IRF8: variants seen among roughly 807,000 people sequenced by gnomAD.
IRF8 encodes the protein interferon regulatory factor 8.
IRF8 carries 14 observed loss-of-function variants against 48.7 expected under a neutral mutation model. That is an observed-to-expected ratio of 0.29 (90% CI 0.19 to 0.45). The LOEUF is 0.45. IRF8 is among the 20% of genes least tolerant of loss of function. IRF8 has a pLI of 1.00. For missense variants in IRF8, 493 were observed against 580.7 expected, an observed-to-expected ratio of 0.85 and a Z score of 1.55; for synonymous variants, 278 against 227.3, an observed-to-expected ratio of 1.22 and a Z score of -2.01.
chr16:85,917,667 A>C (rs1905360554), intron 6 of IRF8, among the ~76,000 whole-genome samples: 1 of 152,226 alleles, frequency 6.6e-6, no homozygotes, highest in African/African-American at 2.4e-5. Flanking sequence ...CATTATTCAA[A>C]AGGGAGGTTG....
intron 6 of IRF8, among the ~76,000 whole-genome samples, chr16:85,915,201 G>T (rs1196423389): frequency 1.3e-5 from 2 of 152,152 alleles, no homozygotes; most frequent in East Asian, 3.9e-4. Flanking sequence ...TAAGGACCCT[G>T]GCTGCACTTC....
At position 85,921,296 on chromosome 16, in the gene IRF8, GC is replaced by G. The variant is rs745940025; in HGVS notation, c.*15del. The G allele has an allele frequency of 1.2e-6, 2 of 1,612,624 alleles. No individual in the cohort carries two copies. Among genetic ancestry groups the G allele is most frequent in the South Asian group, 2.2e-5 (2 of 91,070 alleles). On this transcript the variant is annotated 3_prime_UTR_variant, in exon 9 of 9. Coordinates refer to ENST00000268638, the MANE Select transcript of IRF8 (RefSeq NM_002163.4). ...ATCACCGTCTAAGTGCGTCGCTTGGGCGCCCCACCCCGTCTGCGTCCTGCAT... is the reference window on the plus strand; with the variant it reads ...ATCACCGTCTAAGTGCGTCGCTTGGGGCCCCACCCCGTCTGCGTCCTGCAT...
intron 2 of IRF8, among the ~76,000 whole-genome samples, chr16:85,904,309 G>T (rs1904921678): frequency 6.6e-6 from 1 of 152,092 alleles, no homozygotes; most frequent in Non-Finnish European, 1.5e-5. Flanking sequence ...GTTGTTGGGG[G>T]CCAGAATCAG....
At chr16:85,901,327 C>G (rs1904820085) in intron 1 of IRF8, 1 of 152,196 alleles carries the variant, frequency 6.6e-6, no homozygotes, top group South Asian at 2.1e-4. Context: ...TCAGAGTTTT[C>G]AAACCAAGGT....
intron 6 of IRF8, among the ~76,000 whole-genome samples, chr16:85,917,464 C>A (rs115011874): frequency 1.9e-3 from 289 of 152,276 alleles, no homozygotes; most frequent in African/African-American, 6.5e-3. Flanking sequence ...TTCCTCAAAT[C>A]TTAATCTTAA....
chr16:85,913,339 C>T (rs1905203293), intron 5 of IRF8, 103 bp downstream of exon 5: 1 of 834,786 alleles, frequency 1.2e-6, no homozygotes, highest in Non-Finnish European at 2.0e-6. Flanking sequence ...TATCATGATC[C>T]ATGTCTCATT....
intron 7 of IRF8, 135 bp downstream of exon 7, chr16:85,918,938 A>G: frequency 8.6e-7 from 1 of 1,169,020 alleles, no homozygotes; most frequent in Non-Finnish European, 1.2e-6. Context: ...TGGTGTGGCA[A>G]GGAGGTGCTC....
intron 1 of IRF8, among the ~76,000 whole-genome samples, chr16:85,900,541 A>C (rs908784990): frequency 6.6e-6 from 1 of 152,254 alleles, no homozygotes; most frequent in African/African-American, 2.4e-5. Context: ...ACGTGGCTGC[A>C]CATGTGCAGA....
Position 85,921,212 on chromosome 16 carries a change from G to A in IRF8, c.1211G>A (p.Arg404Gln), listed in dbSNP as rs772557507. The A allele has an allele frequency of 5.6e-6, 9 of 1,614,198 alleles. No homozygotes were observed. Among genetic ancestry groups the A allele is most frequent in the South Asian group, 2.2e-5 (2 of 91,086 alleles). ...PEEPPPDQVF[R>Q]MFPDICASHQ... is the part of the protein sequence containing the mutation. Reference sequence around the variant, plus strand: ...GAGCCGCCGCCAGACCAGGTCTTCCGGATGTTTCCAGATATTTGTGCCTCA... The same window carrying A: ...GAGCCGCCGCCAGACCAGGTCTTCCAGATGTTTCCAGATATTTGTGCCTCA... The change falls in exon 9 of 9, where the codon CGG becomes CAG. Residue 404 changes from arginine to glutamine, a missense_variant. Transcript: ENST00000268638.
At chr16:85,903,346 C>T (rs1904889366) in intron 2 of IRF8, 157 bp downstream of exon 2, 1 of 697,434 alleles carries the variant, frequency 1.4e-6, no homozygotes, top group Admixed American at 2.3e-5. Flanking sequence ...GTGTCTCAGA[C>T]ATGTACATGA....
intron 1 of IRF8, among the ~76,000 whole-genome samples, chr16:85,902,283 A>T (rs907086118): frequency 3.9e-5 from 6 of 152,204 alleles, no homozygotes; most frequent in Non-Finnish European, 7.3e-5. Context: ...TGTAAGGTCC[A>T]GGCCCTGTCT....
At chr16:85,903,219 G>A (rs1904884272) in intron 2 of IRF8, 30 bp downstream of exon 2, 2 of 1,590,974 alleles carry the variant, frequency 1.3e-6, no homozygotes, top group African/African-American at 1.3e-5. Context: ...TCCCCACTGT[G>A]GGCACAGTGT....
chr16:85,920,968 T>G (rs1597258176), intron 8 of IRF8, 138 bp from the exon 9 acceptor site: 2 of 872,766 alleles, frequency 2.3e-6, no homozygotes, highest in Non-Finnish European at 3.7e-6. Flanking sequence ...CTGCTTGCCC[T>G]TCCTTGGCAT....
intron 1 of IRF8, among the ~76,000 whole-genome samples, chr16:85,900,053 C>T (rs1048550198): frequency 5.9e-5 from 9 of 152,194 alleles, no homozygotes; most frequent in African/African-American, 1.7e-4. Flanking sequence ...TTTTGGGTTA[C>T]GGCAGCTTCC....
rs202067151 is a variant in IRF8, at chr16:85,908,943, G to A, written c.175-47G>A. 353 of 1,508,950 alleles carry A rather than the reference G, an allele frequency of 2.3e-4. 1 individual carries two copies. The African/African-American group carries it at 4.3e-3, about 18-fold the overall frequency. 93.5% of individuals were successfully genotyped at this position (1,508,950 alleles called of 1,614,324 possible). On this transcript the variant is annotated intron_variant, in intron 2 of 8. Coordinates refer to ENST00000268638, the MANE Select transcript of IRF8 (RefSeq NM_002163.4). ...CCTGGTCATGGTGACGGATATTTGT[G>A]ATTGGAGTCGGCCATGAATTTAATG...
chr16:85,915,152 C>T (rs1905262002), intron 6 of IRF8, among the ~76,000 whole-genome samples: 3 of 152,254 alleles, frequency 2.0e-5, no homozygotes, highest in African/African-American at 7.2e-5. Flanking sequence ...GGCCTCCCCG[C>T]GGTGGGCAGA....
At chr16:85,902,791 G>GCAGGTGGCTT in intron 1 of IRF8, 2 of 598,842 alleles carry the variant, frequency 3.3e-6, no homozygotes, top group Non-Finnish European at 6.0e-6. Context: ...GCTGGTGGCT[G>GCAGGTGGCTT]CAGGTTTCCC....
At chr16:85,920,820 G>T (rs1274408374) in intron 8 of IRF8, among the ~76,000 whole-genome samples, 1 of 152,154 alleles carries the variant, frequency 6.6e-6, no homozygotes, top group Non-Finnish European at 1.5e-5. Context: ...TTGCCCGAAG[G>T]TCTAAGTGAC....
chr16:85,899,323 A>T (rs539551423), intron 1 of IRF8, 100 bp downstream of exon 1: 2 of 152,238 alleles, frequency 1.3e-5, no homozygotes, highest in African/African-American at 2.4e-5. Flanking sequence ...TACCTACCGT[A>T]ATGTCCCCGG....
Sources: gnomAD v4.1 joint callset for allele counts (sites outside exome capture counted in the v4.1 genomes callset) on GRCh38, gnomAD v4.1.1 for gene constraint, MANE v1.5 for transcripts, NCBI Gene and HGNC (gene_info 2026-07-23, HGNC 2026-07-21) for gene names.